The following LGALS9 variants were observed in gnomAD, a reference collection of about 807,000 sequenced individuals.
The protein encoded by LGALS9 is galectin 9.
A neutral mutation model predicts 35.9 loss-of-function variants in LGALS9; 26 were observed. The ratio of observed to expected loss-of-function variants is 0.72; its 90% CI spans 0.53 to 1.01. The LOEUF (loss-of-function observed/expected upper bound fraction) is 1.01, where lower values mean the gene tolerates loss of function less well. Among genes scored for constraint, LGALS9 ranks in the 50% least tolerant of loss-of-function variants. The probability of loss-of-function intolerance (pLI) is 0.00; values close to 1 mark genes in which losing one functional copy is unlikely to be tolerated. For synonymous variants in LGALS9, 149 were observed against 172.2 expected (o/e 0.87, Z 1.06); for missense variants, 347 against 445.8 (o/e 0.78, Z 1.99).
chr17:27,642,093 G>A (rs1477267893), intron 3 of LGALS9, 145 bp from the exon 4 acceptor site: 1 of 1,492,144 alleles, frequency 6.7e-7, no homozygotes, highest in African/African-American at 1.4e-5. Flanking sequence ...ATGCACTTTG[G>A]GTCACACACA....
rs1904949086 is a variant in LGALS9 at position 27,646,456 on chromosome 17, G to A, written c.628-91G>A. ...AGGCTCACGAGGTCAGCCTCACAGT[G>A]GAGTCCTCTCTAGAACGCGTGGGTG... On this transcript the variant is annotated intron_variant, in intron 7 of 10. Coordinates refer to ENST00000395473, the MANE Select transcript of LGALS9 (RefSeq NM_009587.3). The A allele has an allele frequency of 3.8e-6, 6 of 1,590,648 alleles. No homozygotes were observed. In the South Asian group the frequency reaches 6.6e-5, roughly 18 times the overall value.
At chr17:27,636,680 T>C (rs1486709185) in intron 1 of LGALS9, among the ~76,000 whole-genome samples, 2 of 152,070 alleles carry the variant, frequency 1.3e-5, no homozygotes, top group Non-Finnish European at 2.9e-5. Context: ...ATTACGTTGT[T>C]CAGGCTGGCC....
At chr17:27,647,150 G>C in intron 9 of LGALS9, 32 bp downstream of exon 9, 1 of 1,614,182 alleles carries the variant, frequency 6.2e-7, no homozygotes, top group Non-Finnish European at 8.5e-7. Context: ...CCTCTGGGAA[G>C]AGAGAGCCCT....
At chr17:27,637,732 G>A (rs1225294576) in intron 1 of LGALS9, among the ~76,000 whole-genome samples, 5 of 152,182 alleles carry the variant, frequency 3.3e-5, no homozygotes, top group Admixed American at 6.5e-5. Flanking sequence ...GGGGAGAGGG[G>A]GATGGCTTCT....
At chr17:27,631,400 GT>G in intron 1 of LGALS9, 96 bp downstream of exon 1, 1 of 1,506,838 alleles carries the variant, frequency 6.6e-7, no homozygotes, top group Non-Finnish European at 9.2e-7. Flanking sequence ...GGGGATGGGG[GT>G]GGGGGCATCC....
chr17:27,634,551 C>CA (rs1001986414), intron 1 of LGALS9, among the ~76,000 whole-genome samples: 9 of 150,494 alleles, frequency 6.0e-5, no homozygotes, highest in Non-Finnish European at 1.0e-4. Context: ...GATCCTGTCT[C>CA]AAAAAAAACA....
At chr17:27,637,764 C>G (rs561765682) in intron 1 of LGALS9, among the ~76,000 whole-genome samples, 1 of 152,174 alleles carries the variant, frequency 6.6e-6, no homozygotes, top group South Asian at 2.1e-4. Flanking sequence ...TCGGGTGAGT[C>G]GAAGGTTTAC....
intron 5 of LGALS9, among the ~76,000 whole-genome samples, chr17:27,643,841 G>A (rs185028377): frequency 3.3e-5 from 5 of 152,250 alleles, no homozygotes; most frequent in South Asian, 2.1e-4. Context: ...AGGCACGAAC[G>A]TGTCTCCCTC....
intron 1 of LGALS9, among the ~76,000 whole-genome samples, chr17:27,632,729 G>C: frequency 6.6e-6 from 1 of 152,210 alleles, no homozygotes; most frequent in East Asian, 1.9e-4. Flanking sequence ...TTATCCTACG[G>C]ACATCAGAGA....
At chr17:27,642,381 G>A (rs1160367883) in intron 4 of LGALS9, 33 bp downstream of exon 4, 4 of 1,611,524 alleles carry the variant, frequency 2.5e-6, no homozygotes, top group Non-Finnish European at 2.5e-6. Flanking sequence ...GGTCCCAGGG[G>A]CTGGGATGCA....
At chr17:27,647,926 G>A (rs1049628694) in intron 10 of LGALS9, among the ~76,000 whole-genome samples, 2 of 152,236 alleles carry the variant, frequency 1.3e-5, no homozygotes, top group South Asian at 2.1e-4. Flanking sequence ...AAAACAGAGC[G>A]ATGAGATAGA....
chr17:27,634,174 G>C (rs2074418895), intron 1 of LGALS9, among the ~76,000 whole-genome samples: 1 of 152,208 alleles, frequency 6.6e-6, no homozygotes, highest in Non-Finnish European at 1.5e-5. Context: ...GGCCCCAGGG[G>C]AAAATCTGTT....
chr17:27,648,765 G>T, intron 10 of LGALS9, 71 bp from the exon 11 acceptor site: 1 of 1,607,268 alleles, frequency 6.2e-7, no homozygotes, highest in Non-Finnish European at 8.5e-7. Context: ...GTGGGAGGGA[G>T]GGAGAGAGGA....
intron 2 of LGALS9, chr17:27,640,275 A>T: frequency 2.2e-6 from 1 of 455,344 alleles, no homozygotes; most frequent in East Asian, 4.7e-5. Flanking sequence ...CTTCGGTATC[A>T]ATTGGTAATC....
intron 9 of LGALS9, 41 bp from the exon 10 acceptor site, chr17:27,647,229 G>A: frequency 1.2e-6 from 2 of 1,613,474 alleles, no homozygotes; most frequent in Non-Finnish European, 1.7e-6. Flanking sequence ...ATGGGACTCA[G>A]AATTCGGTGG....
intron 1 of LGALS9, among the ~76,000 whole-genome samples, chr17:27,634,441 C>T (rs1370422365): frequency 2.0e-5 from 3 of 152,070 alleles, no homozygotes; most frequent in African/African-American, 7.2e-5. Context: ...GTCCTAGCTA[C>T]CTGGGAGGCG....
At chr17:27,632,794 G>A (rs2074405392) in intron 1 of LGALS9, among the ~76,000 whole-genome samples, 1 of 152,210 alleles carries the variant, frequency 6.6e-6, no homozygotes, top group South Asian at 2.1e-4. Context: ...CAGCCCCTAT[G>A]GGTGTCCAGA....
intron 1 of LGALS9, among the ~76,000 whole-genome samples, chr17:27,637,347 A>G (rs1177666457): frequency 1.3e-5 from 2 of 152,232 alleles, no homozygotes; most frequent in Non-Finnish European, 2.9e-5. Flanking sequence ...CCTATTTTAC[A>G]GATGAGGAAA....
chr17:27,631,360 G>C, intron 1 of LGALS9, 56 bp downstream of exon 1: 1 of 1,612,626 alleles, frequency 6.2e-7, no homozygotes, highest in Non-Finnish European at 8.5e-7. Context: ...CACAGCTCTG[G>C]GGCTCTGAGG....
Sources: allele counts gnomAD v4.1 joint callset (sites outside exome capture counted in the v4.1 genomes callset), GRCh38; gene constraint gnomAD v4.1.1; transcripts MANE v1.5; gene names NCBI Gene and HGNC (gene_info 2026-07-23, HGNC 2026-07-21).